The following IRAG2 variants were observed in gnomAD, a reference collection of about 807,000 sequenced individuals.
IRAG2 encodes the protein lymphoid restricted membrane protein.
Under a neutral mutation model 69.9 loss-of-function variants are expected in IRAG2, and 45 were observed. That is an observed-to-expected ratio of 0.64 (90% CI 0.51 to 0.83). The LOEUF (loss-of-function observed/expected upper bound fraction) is 0.83. IRAG2 is among the 40% of genes least tolerant of loss of function. The pLI, the probability that IRAG2 is intolerant of heterozygous loss-of-function variation, is 0.00. For missense variants in IRAG2, 520 were observed against 587.0 expected (o/e 0.89, Z 1.18); for synonymous variants, 193 against 202.4 (o/e 0.95, Z 0.40).
chr12:25,015,855 T>G (rs1322467530), intron 5 of IRAG2, among the ~76,000 whole-genome samples: 1 of 152,250 alleles, frequency 6.6e-6, no homozygotes, highest in Non-Finnish European at 1.5e-5. Flanking sequence ...AGAGTGATTC[T>G]GCCTCTGCTT....
intron 16 of IRAG2, among the ~76,000 whole-genome samples, chr12:25,046,077 T>A (rs1173306458): frequency 6.6e-6 from 1 of 152,092 alleles, no homozygotes; most frequent in Admixed American, 6.6e-5. Flanking sequence ...GCAAATTGAT[T>A]ATCTTGATAT....
At chr12:25,094,742 T>C (rs1948310119) in intron 14 of IRAG2, among the ~76,000 whole-genome samples, 1 of 152,112 alleles carries the variant, frequency 6.6e-6, no homozygotes, top group East Asian at 1.9e-4. Context: ...TTGTCTTCTT[T>C]AATTTTTTTC....
chr12:25,013,107 A>G (rs1267996847), intron 3 of IRAG2, among the ~76,000 whole-genome samples: 1 of 152,208 alleles, frequency 6.6e-6, no homozygotes, highest in African/African-American at 2.4e-5. Flanking sequence ...AAGCCCTCCC[A>G]TATATTATTG....
intron 6 of IRAG2, among the ~76,000 whole-genome samples, chr12:25,069,797 G>A (rs181062599): frequency 4.1e-4 from 62 of 152,312 alleles, no homozygotes; most frequent in Non-Finnish European, 3.8e-4. Flanking sequence ...CAAGAATTGA[G>A]GTCGAGGCTG....
intron 10 of IRAG2, among the ~76,000 whole-genome samples, chr12:25,084,315 A>G (rs573116441): frequency 2.8e-3 from 433 of 152,254 alleles, no homozygotes; most frequent in Non-Finnish European, 4.2e-3. Context: ...ACTTGAGCCC[A>G]GGAGTTTGAG....
chr12:25,061,277 C>T (rs1402909976), intron 1 of IRAG2, among the ~76,000 whole-genome samples: 2 of 152,172 alleles, frequency 1.3e-5, no homozygotes, highest in African/African-American at 2.4e-5. Flanking sequence ...GTAATCCCAG[C>T]ACTGTGGGAG....
intron 10 of IRAG2, 146 bp from the exon 11 acceptor site, chr12:25,087,954 A>C: frequency 1.6e-6 from 1 of 623,264 alleles, no homozygotes; most frequent in Non-Finnish European, 2.9e-6. Flanking sequence ...CTTCCAGGAA[A>C]CTGGTCCCTG....
chr12:25,041,330 A>G (rs1328787058), intron 16 of IRAG2, among the ~76,000 whole-genome samples: 1 of 152,200 alleles, frequency 6.6e-6, no homozygotes, highest in Non-Finnish European at 1.5e-5. Context: ...TTAGGAGCAG[A>G]GAAAAAATGT....
chr12:25,019,374 A>T (rs1944557875), intron 6 of IRAG2, among the ~76,000 whole-genome samples: 1 of 152,070 alleles, frequency 6.6e-6, no homozygotes, highest in African/African-American at 2.4e-5. Flanking sequence ...GTGAATGTGG[A>T]GATTGTATCG....
chr12:25,020,801 C>A lies in IRAG2; in HGVS notation c.1226C>A (p.Ala409Asp), dbSNP rs1420526191. Reference sequence around the variant, plus strand: ...CCCCACCCCCACAGTGCCCACCAGGCTATTATGAGAACAAATCTGTTAAAA... The same window carrying A: ...CCCCACCCCCACAGTGCCCACCAGGATATTATGAGAACAAATCTGTTAAAA... The change falls in exon 7 of 39, where the codon GCT becomes GAT. Residue 409 changes from alanine (A) to aspartate (D), a missense_variant. Ala to Asp is a moderately radical substitution (Grantham distance 126). Coordinates refer to the IRAG2 transcript ENST00000636465. 4.9e-6 allele frequency: 6 copies of A among 1,230,738 alleles called. No homozygotes were observed. The East Asian group carries it at 1.6e-4, about 32-fold the overall frequency. The allele number at this position is 1,230,738 out of a possible 1,614,324, so 76.2% of individuals were successfully genotyped here. A position where few individuals can be genotyped will look rare whatever the true frequency, so the allele number is the denominator to read the frequency against.
upstream of IRAG2, among the ~76,000 whole-genome samples, chr12:25,049,539 T>TA (rs1323296664): frequency 1.3e-5 from 2 of 152,112 alleles, no homozygotes; most frequent in African/African-American, 2.4e-5. Flanking sequence ...TAACTAGATT[T>TA]AAAAATAGAC....
upstream of IRAG2, among the ~76,000 whole-genome samples, chr12:25,002,191 G>A (rs1944396618): frequency 1.3e-5 from 2 of 152,220 alleles, no homozygotes; most frequent in South Asian, 4.1e-4. Flanking sequence ...TACTGCTACT[G>A]CACTTCTACC....
chr12:25,022,716 A>C (rs1944590902), intron 7 of IRAG2, among the ~76,000 whole-genome samples: 1 of 152,236 alleles, frequency 6.6e-6, no homozygotes, highest in Non-Finnish European at 1.5e-5. Context: ...GTTCAAAGTC[A>C]ATTGTCTAAT....
intron 10 of IRAG2, among the ~76,000 whole-genome samples, chr12:25,031,905 G>A (rs578051125): frequency 5.3e-5 from 8 of 152,208 alleles, no homozygotes; most frequent in South Asian, 2.1e-4. Context: ...CAGGTGATCC[G>A]CCCTCCTCGG....
At chr12:25,046,845 C>G (rs573249336) in intron 16 of IRAG2, among the ~76,000 whole-genome samples, 1 of 152,146 alleles carries the variant, frequency 6.6e-6, no homozygotes, top group African/African-American at 2.4e-5. Context: ...ACTTATGGAA[C>G]CATGAGGGAC....
intron 21 of IRAG2, 80 bp downstream of exon 21, chr12:25,107,130 T>C: frequency 1.6e-6 from 1 of 634,510 alleles, no homozygotes; most frequent in Non-Finnish European, 2.6e-6. Flanking sequence ...TTAATCCTAA[T>C]CAAATTACTA....
chr12:25,106,329 T>C (rs1592123922), intron 20 of IRAG2, among the ~76,000 whole-genome samples: 3 of 145,462 alleles, frequency 2.1e-5, no homozygotes, highest in Admixed American at 1.4e-4. Flanking sequence ...ATACAAAACA[T>C]ATATACAACA....
chr12:25,016,461 C>A (rs1422544735), intron 5 of IRAG2, among the ~76,000 whole-genome samples: 1 of 152,118 alleles, frequency 6.6e-6, no homozygotes, highest in Non-Finnish European at 1.5e-5. Flanking sequence ...CTGCCGAGAT[C>A]CCTTCGCTGA....
rs189091745 is a variant in IRAG2, at chr12:25,108,015, G to A, written c.1455G>A (p.Leu485=). The A allele has an allele frequency of 8.5e-5, 137 of 1,614,086 alleles. No homozygotes were observed. Among genetic ancestry groups the A allele is most frequent in the Non-Finnish European group, 1.2e-4 (136 of 1,180,010 alleles). Residue 485 remains leucine (L), a synonymous_variant, in exon 22 of 22, where the codon TTG becomes TTA. Transcript: ENST00000556887. The part of the protein sequence containing the change: ...EDSWTSLEHI[L]WPFTRLRHNG... ...CATGGACGTCTCTAGAACATATCTT[G>A]TGGCCATTTACCAGACTCCGACACA...
Sources: allele counts gnomAD v4.1 joint callset (sites outside exome capture counted in the v4.1 genomes callset), GRCh38; gene constraint gnomAD v4.1.1; transcripts MANE v1.5; gene names NCBI Gene and HGNC (gene_info 2026-07-23, HGNC 2026-07-21).